The following GALNT13 variants were observed in gnomAD, a reference collection of about 807,000 sequenced individuals.
GALNT13 encodes UDP-GalNAc:polypeptide N-acetylgalactosaminyltransferase 13.
In GALNT13, 28 loss-of-function variants were observed where a neutral mutation model predicts 64.2. That is an observed-to-expected ratio of 0.44 (90% CI 0.32 to 0.60). The LOEUF (loss-of-function observed/expected upper bound fraction) is 0.60. Among genes scored for constraint, GALNT13 ranks in the 20% least tolerant of loss-of-function variants. GALNT13 has a pLI of 0.05. For missense variants in GALNT13, 577 were observed against 669.8 expected (o/e 0.86, Z 1.53); for synonymous variants, 214 against 224.6 (o/e 0.95, Z 0.42).
the GALNT13 span, among the ~76,000 whole-genome samples, chr2:153,319,814 A>G: frequency 6.6e-6 from 1 of 152,212 alleles, no homozygotes; most frequent in Admixed American, 6.5e-5. Flanking sequence ...CTAGCTTTTT[A>G]AAAGCATACT....
At chr2:154,341,319 T>C (rs1695761405) in intron 9 of GALNT13, among the ~76,000 whole-genome samples, 1 of 152,094 alleles carries the variant, frequency 6.6e-6, no homozygotes, top group African/African-American at 2.4e-5. Flanking sequence ...TGCTCTTGTA[T>C]AGAGTTCACA....
the GALNT13 span, among the ~76,000 whole-genome samples, chr2:153,618,132 G>T: frequency 6.6e-6 from 1 of 151,546 alleles, no homozygotes; most frequent in South Asian, 2.1e-4. Context: ...ATTTGAAGTT[G>T]TTTCTCTTTT....
the GALNT13 span, among the ~76,000 whole-genome samples, chr2:153,462,937 G>A: frequency 6.6e-6 from 1 of 152,056 alleles, no homozygotes; most frequent in African/African-American, 2.4e-5. Flanking sequence ...ATTTTGCAGA[G>A]ATCTTAGGAT....
intron 9 of GALNT13, among the ~76,000 whole-genome samples, chr2:154,386,685 T>C (rs1408980989): frequency 6.6e-6 from 1 of 152,116 alleles, no homozygotes; most frequent in Non-Finnish European, 1.5e-5. Context: ...TAATTCTAGA[T>C]AAAATTTTGA....
intron 1 of GALNT13, among the ~76,000 whole-genome samples, chr2:153,876,202 TACACACACACACAC>T (rs56256669): frequency 1.1e-4 from 16 of 148,656 alleles, no homozygotes; most frequent in South Asian, 2.1e-4. Flanking sequence ...CCCCCCACAC[TACACACACACACAC>T]ACACACACAC....
the GALNT13 span, among the ~76,000 whole-genome samples, chr2:153,102,627 A>G: frequency 6.6e-6 from 1 of 152,176 alleles, no homozygotes; most frequent in East Asian, 1.9e-4. Flanking sequence ...TCAAACTTGC[A>G]ACGTTTGAGG....
chr2:153,385,908 G>A, the GALNT13 span, among the ~76,000 whole-genome samples: 1 of 151,884 alleles, frequency 6.6e-6, no homozygotes, highest in African/African-American at 2.4e-5. Flanking sequence ...AATAAAGATA[G>A]AGTAGGTAAA....
rs762186190 is a variant in GALNT13 at position 154,446,974 on chromosome 2, G to GT, written c.1531-3437_1531-3436insT. Among the ~76,000 whole-genome samples the GT allele has an allele frequency of 9.1e-3, 1,074 of 118,264 alleles. 5 individuals carry two copies. Among genetic ancestry groups the GT allele is most frequent in the Middle Eastern group, 0.061 (12 of 196 alleles). 77.6% of individuals were successfully genotyped at this position (118,264 alleles called of 152,430 possible). On this transcript the variant is annotated intron_variant, in intron 12 of 12. Coordinates refer to ENST00000392825, the MANE Select transcript of GALNT13 (RefSeq NM_052917.4). ...GTTTAGTCTATCCTTAATGAGTAGG[G>GT]GTTTTTTTGTTTTTTTTCTTTATTT...
the GALNT13 span, among the ~76,000 whole-genome samples, chr2:153,351,643 C>G: frequency 6.6e-6 from 1 of 152,210 alleles, no homozygotes; most frequent in African/African-American, 2.4e-5. Context: ...CAACCCTTGA[C>G]AACTACTATC....
chr2:154,267,641 A>AAAAC (rs1268759494), intron 8 of GALNT13, among the ~76,000 whole-genome samples: 1 of 152,220 alleles, frequency 6.6e-6, no homozygotes, highest in Non-Finnish European at 1.5e-5. Context: ...CTTCGTCTCA[A>AAAAC]AAACAAACAA....
chr2:153,797,646 A>C, the GALNT13 span, among the ~76,000 whole-genome samples: 1 of 152,198 alleles, frequency 6.6e-6, no homozygotes, highest in Non-Finnish European at 1.5e-5. Context: ...GAAGTGTGTT[A>C]TAAAAGAATT....
chr2:153,277,908 C>CTTTTCTTTTTTTTTTTTT, the GALNT13 span, among the ~76,000 whole-genome samples: 8 of 69,588 alleles, frequency 1.1e-4, no homozygotes, highest in Non-Finnish European at 1.6e-4. Context: ...TTTCTTTTTT[C>CTTTTCTTTTTTTTTTTTT]TTTTGTTTTC....
the GALNT13 span, among the ~76,000 whole-genome samples, chr2:153,235,396 A>G: frequency 6.6e-6 from 1 of 152,034 alleles, no homozygotes; most frequent in East Asian, 1.9e-4. Flanking sequence ...ACCAACTGAC[A>G]CTTGGGAAAC....
At chr2:153,904,621 G>A (rs1163245204) in intron 2 of GALNT13, among the ~76,000 whole-genome samples, 2 of 151,756 alleles carry the variant, frequency 1.3e-5, no homozygotes, top group African/African-American at 4.8e-5. Context: ...CTGTTCATAT[G>A]TGTATTTTTC....
chr2:153,427,391 G>A, the GALNT13 span, among the ~76,000 whole-genome samples: 2 of 152,088 alleles, frequency 1.3e-5, no homozygotes, highest in Non-Finnish European at 2.9e-5. Flanking sequence ...AGTTTAGGAT[G>A]TAAGAGAAAT....
At chr2:153,340,892 A>G in the GALNT13 span, among the ~76,000 whole-genome samples, 1 of 152,310 alleles carries the variant, frequency 6.6e-6, no homozygotes, top group East Asian at 1.9e-4. Context: ...CTGGATCTCA[A>G]AGTGTGGTTC....
the GALNT13 span, among the ~76,000 whole-genome samples, chr2:153,614,080 G>A: frequency 1.3e-5 from 2 of 151,906 alleles, no homozygotes; most frequent in African/African-American, 4.8e-5. Flanking sequence ...ATTACTGGAA[G>A]GAACTATAAA....
At chr2:153,117,541 T>C in the GALNT13 span, among the ~76,000 whole-genome samples, 2 of 152,090 alleles carry the variant, frequency 1.3e-5, no homozygotes, top group African/African-American at 4.8e-5. Flanking sequence ...GGAATGGGAG[T>C]TGTTATTCAA....
the GALNT13 span, among the ~76,000 whole-genome samples, chr2:153,391,475 A>G: frequency 7.2e-5 from 11 of 152,250 alleles, no homozygotes; most frequent in South Asian, 6.2e-4. Context: ...ATTTAAAGGT[A>G]TGTACCGAGA....
Sources: allele counts gnomAD v4.1 joint callset (sites outside exome capture counted in the v4.1 genomes callset), GRCh38; gene constraint gnomAD v4.1.1; transcripts MANE v1.5; gene names NCBI Gene and HGNC (gene_info 2026-07-23, HGNC 2026-07-21).